Variants in KCNIP3 observed in about 807,000 individuals in gnomAD.
KCNIP3 encodes potassium voltage-gated channel interacting protein 3, also known as calsenilin.
In KCNIP3, 28 loss-of-function variants were observed where a neutral mutation model predicts 35.0. That is an observed-to-expected ratio of 0.80 (90% CI 0.59 to 1.10). The LOEUF (loss-of-function observed/expected upper bound fraction) is 1.10, where lower values mean the gene tolerates loss of function less well. Among genes scored for constraint, KCNIP3 ranks in the 50% least tolerant of loss-of-function variants. The probability of loss-of-function intolerance (pLI) is 0.00; values close to 1 mark genes in which losing one functional copy is unlikely to be tolerated. For synonymous variants in KCNIP3, 134 were observed against 133.8 expected (o/e 1.00, Z -0.01); for missense variants, 295 against 338.4 (o/e 0.87, Z 1.01).
intron 2 of KCNIP3, among the ~76,000 whole-genome samples, chr2:95,341,623 A>C (rs1404550682): frequency 6.6e-6 from 1 of 152,100 alleles, no homozygotes; most frequent in African/African-American, 2.4e-5. Flanking sequence ...AAGTGACTCC[A>C]TTTTACAAGG....
intron 2 of KCNIP3, among the ~76,000 whole-genome samples, chr2:95,370,163 T>C (rs1274691965): frequency 6.6e-6 from 1 of 152,246 alleles, no homozygotes; most frequent in Non-Finnish European, 1.5e-5. Context: ...TTGCTTCTTC[T>C]CATGTCTTTT....
intron 2 of KCNIP3, among the ~76,000 whole-genome samples, chr2:95,343,563 A>C (rs1679270667): frequency 6.6e-6 from 1 of 152,152 alleles, no homozygotes; most frequent in Non-Finnish European, 1.5e-5. Flanking sequence ...AGGAGACCTC[A>C]TGAAATCCCT....
chr2:95,368,615 G>A (rs365712), intron 2 of KCNIP3: 297,627 of 361,148 alleles, frequency 0.82, 123,625 homozygotes, highest in Non-Finnish European at 0.84. Flanking sequence ...CCGTTTCTGT[G>A]TGTGAACACT....
chr2:95,379,787 C>T (rs999497837), intron 5 of KCNIP3, among the ~76,000 whole-genome samples: 2 of 152,206 alleles, frequency 1.3e-5, no homozygotes, highest in Non-Finnish European at 1.5e-5. Context: ...TGACACTGAC[C>T]CGTGATGGGT....
intron 2 of KCNIP3, among the ~76,000 whole-genome samples, chr2:95,328,255 T>C (rs1214813027): frequency 6.6e-6 from 1 of 150,986 alleles, no homozygotes; most frequent in Non-Finnish European, 1.5e-5. Flanking sequence ...ATCGTAGACC[T>C]TCTGAGCTCT....
At chr2:95,338,946 T>C (rs1039672883) in intron 2 of KCNIP3, among the ~76,000 whole-genome samples, 1 of 152,208 alleles carries the variant, frequency 6.6e-6, no homozygotes, top group African/African-American at 2.4e-5. Context: ...TCATAAGTGC[T>C]TGCAGCATTG....
In KCNIP3 at chr2:95,346,430, G is replaced by C. The variant is rs536830323; in HGVS notation, c.182-27866G>C. On this transcript the variant is annotated intron_variant, in intron 2 of 8. Transcript: ENST00000295225. ...TGGCGACGCGCCAGACTCCGTCCTG[G>C]GCTGGCCCGTGCCGGGCGGGGCGGG... Among the ~76,000 whole-genome samples the C allele has an allele frequency of 6.6e-5, 10 of 151,154 alleles. No individual in the cohort carries two copies. In the East Asian group the frequency reaches 2.0e-3, roughly 30 times the overall value.
intron 2 of KCNIP3, among the ~76,000 whole-genome samples, chr2:95,373,635 G>C (rs1475131149): frequency 6.6e-6 from 1 of 152,088 alleles, no homozygotes; most frequent in East Asian, 1.9e-4. Flanking sequence ...TGTTAGCCAG[G>C]ATGGTCTCGA....
At chr2:95,318,370 G>C (rs1325878447) in intron 2 of KCNIP3, among the ~76,000 whole-genome samples, 1 of 152,140 alleles carries the variant, frequency 6.6e-6, no homozygotes, top group Non-Finnish European at 1.5e-5. Context: ...TCCATCAAAG[G>C]CAGAAGTGGT....
intron 2 of KCNIP3, among the ~76,000 whole-genome samples, chr2:95,339,229 C>T (rs6743870): frequency 7.9e-5 from 12 of 152,318 alleles, no homozygotes; most frequent in South Asian, 2.1e-4. Flanking sequence ...GGTGTCCCCC[C>T]TCCTCCTTCA....
At chr2:95,314,102 T>C (rs748811029) in intron 2 of KCNIP3, among the ~76,000 whole-genome samples, 5 of 151,694 alleles carry the variant, frequency 3.3e-5, no homozygotes, top group Admixed American at 6.6e-5. Flanking sequence ...CTCCCCGGGG[T>C]GCCATGGCAA....
intron 2 of KCNIP3, chr2:95,346,901 A>G (rs1679385178): frequency 4.6e-6 from 2 of 436,266 alleles, no homozygotes; most frequent in South Asian, 7.0e-5. Context: ...TGCCGGGGGC[A>G]TGTGAGCCGT....
chr2:95,322,634 C>T (rs1220522260), intron 2 of KCNIP3, among the ~76,000 whole-genome samples: 1 of 152,218 alleles, frequency 6.6e-6, no homozygotes, highest in Non-Finnish European at 1.5e-5. Context: ...TTTCAAGGCC[C>T]TGAGTTGGGG....
intron 2 of KCNIP3, among the ~76,000 whole-genome samples, chr2:95,350,989 G>A (rs139388660): frequency 2.0e-5 from 3 of 152,236 alleles, no homozygotes; most frequent in Non-Finnish European, 2.9e-5. Context: ...GCCAGAGTTG[G>A]GAGTTGGGCG....
chr2:95,359,127 A>G (rs1324029115), intron 2 of KCNIP3, among the ~76,000 whole-genome samples: 2 of 152,132 alleles, frequency 1.3e-5, no homozygotes, highest in East Asian at 3.9e-4. Flanking sequence ...CTCACATACA[A>G]AATATATTCA....
chr2:95,343,953 C>T (rs999770332), intron 2 of KCNIP3, among the ~76,000 whole-genome samples: 1 of 151,018 alleles, frequency 6.6e-6, no homozygotes, highest in African/African-American at 2.4e-5. Context: ...TGCAGGACAC[C>T]CCTGTCTCCT....
intron 2 of KCNIP3, among the ~76,000 whole-genome samples, chr2:95,373,564 A>G (rs1280082151): frequency 6.6e-6 from 1 of 151,922 alleles, no homozygotes; most frequent in Non-Finnish European, 1.5e-5. Context: ...CTGGGACTAC[A>G]GGCGCCCGCC....
intron 1 of KCNIP3, among the ~76,000 whole-genome samples, chr2:95,298,356 C>T (rs1558755154): frequency 6.6e-6 from 1 of 152,180 alleles, no homozygotes; most frequent in South Asian, 2.1e-4. Flanking sequence ...TGATCAGCAG[C>T]ATTTCAGGCC....
In KCNIP3 at chr2:95,374,781, G is replaced by C. The variant is rs370731867; in HGVS notation, c.307-67G>C. On this transcript the variant is annotated intron_variant, in intron 3 of 8. Transcript: ENST00000295225. ...AAGGGGGTGGAGAGAGGCCAGCCAG[G>C]CACCATGCAGAGTCGGGCTTGGAGC... is the stretch of plus-strand genomic sequence containing the variant. 213 of 1,551,940 alleles carry C rather than the reference G, an allele frequency of 1.4e-4. 2 individuals are homozygous for C. In the East Asian group the frequency reaches 2.8e-3, roughly 21 times the overall value.
Sources: allele counts gnomAD v4.1 joint callset (sites outside exome capture counted in the v4.1 genomes callset), GRCh38; gene constraint gnomAD v4.1.1; transcripts MANE v1.5; gene names NCBI Gene and HGNC (gene_info 2026-07-23, HGNC 2026-07-21).